The following TCERG1L variants were observed in gnomAD, a reference collection of about 807,000 sequenced individuals.
TCERG1L encodes transcription elongation regulator 1 like.
In TCERG1L, 37 loss-of-function variants were observed where a neutral mutation model predicts 56.3. That is an observed-to-expected ratio of 0.66 (90% CI 0.51 to 0.87). The LOEUF (loss-of-function observed/expected upper bound fraction) is 0.87. Ranked by LOEUF, TCERG1L falls within the 40% of genes least tolerant of loss-of-function variation. The probability of loss-of-function intolerance (pLI) is 0.00; values close to 1 mark genes in which losing one functional copy is unlikely to be tolerated. For synonymous variants in TCERG1L, 324 were observed against 326.3 expected (o/e 0.99, Z 0.08); for missense variants, 799 against 774.2 (o/e 1.03, Z -0.38).
chr10:131,295,056 A>T (rs1231313493), intron 3 of TCERG1L, among the ~76,000 whole-genome samples: 1 of 151,902 alleles, frequency 6.6e-6, no homozygotes, highest in East Asian at 1.9e-4. Flanking sequence ...CTTTGCCTAG[A>T]ATGTCACAAA....
intron 7 of TCERG1L, 95 bp downstream of exon 7, chr10:131,146,411 A>C: frequency 7.3e-7 from 1 of 1,367,172 alleles, no homozygotes; most frequent in Non-Finnish European, 9.8e-7. Context: ...AATTTTCAAC[A>C]TAACCAAGAA....
chr10:131,266,242 TCCA>T (rs1846284557), intron 3 of TCERG1L, among the ~76,000 whole-genome samples: 1 of 152,228 alleles, frequency 6.6e-6, no homozygotes, highest in Admixed American at 6.5e-5. Context: ...TCTTGCTGTT[TCCA>T]CCACATCAGC....
At chr10:131,165,491 T>C (rs2133434325) in intron 5 of TCERG1L, among the ~76,000 whole-genome samples, 1 of 152,378 alleles carries the variant, frequency 6.6e-6, no homozygotes, top group African/African-American at 2.4e-5. Flanking sequence ...AGGAAATATC[T>C]TTGTTTCTTG....
intron 7 of TCERG1L, among the ~76,000 whole-genome samples, chr10:131,138,555 G>T (rs1226501302): frequency 6.6e-6 from 1 of 152,100 alleles, no homozygotes; most frequent in Non-Finnish European, 1.5e-5. Context: ...AGGAAAGTAG[G>T]GCCAATTCAT....
chr10:131,194,252 GAACA>G (rs1188206768), intron 4 of TCERG1L, among the ~76,000 whole-genome samples: 1 of 152,234 alleles, frequency 6.6e-6, no homozygotes, highest in African/African-American at 2.4e-5. Context: ...GTGAGTGAGG[GAACA>G]AACAGATGTC....
chr10:131,207,734 G>A (rs1330798802), intron 4 of TCERG1L, among the ~76,000 whole-genome samples: 11 of 152,262 alleles, frequency 7.2e-5, no homozygotes, highest in Admixed American at 3.9e-4. Context: ...AGGTCCATGC[G>A]ACCTCAGATG....
At chr10:131,144,538 G>A (rs548319403) in intron 7 of TCERG1L, among the ~76,000 whole-genome samples, 198 of 152,102 alleles carry the variant, frequency 1.3e-3, no homozygotes, top group Admixed American at 2.2e-3. Flanking sequence ...CCTGGCAACC[G>A]GAAGTTGAGA....
At chr10:131,280,266 T>C (rs2133561799) in intron 3 of TCERG1L, among the ~76,000 whole-genome samples, 1 of 151,880 alleles carries the variant, frequency 6.6e-6, no homozygotes, top group African/African-American at 2.4e-5. Flanking sequence ...TGCACTTAAC[T>C]CAGTGAGCAC....
At chr10:131,308,701 T>A (rs1846843028) in intron 2 of TCERG1L, among the ~76,000 whole-genome samples, 1 of 152,194 alleles carries the variant, frequency 6.6e-6, no homozygotes, top group Non-Finnish European at 1.5e-5. Flanking sequence ...AAGTCAATAC[T>A]TTACTTCTTT....
At chr10:131,155,748 A>G (rs1261209546) in intron 6 of TCERG1L, among the ~76,000 whole-genome samples, 1 of 152,214 alleles carries the variant, frequency 6.6e-6, no homozygotes, top group Non-Finnish European at 1.5e-5. Context: ...CCTCAGGACC[A>G]GAGAAAATCA....
intron 3 of TCERG1L, among the ~76,000 whole-genome samples, chr10:131,302,846 C>A (rs180710265): frequency 1.3e-5 from 2 of 151,810 alleles, no homozygotes; most frequent in Non-Finnish European, 2.9e-5. Context: ...TCTCATTGTT[C>A]AATGACCACT....
chr10:131,241,004 G>A (rs948347144), intron 4 of TCERG1L, among the ~76,000 whole-genome samples: 1 of 152,224 alleles, frequency 6.6e-6, no homozygotes, highest in South Asian at 2.1e-4. Context: ...GGGAAAGCAC[G>A]GCCAAGGTCT....
At chr10:131,256,992 G>GGAAGGAAAGGAAGAAAGAAA (rs1846173015) in intron 4 of TCERG1L, among the ~76,000 whole-genome samples, 14 of 59,170 alleles carry the variant, frequency 2.4e-4, no homozygotes, top group African/African-American at 7.7e-4. Context: ...AAGGAAGGAA[G>GGAAGGAAAGGAAGAAAGAAA]GAAAGAAAGA....
intron 8 of TCERG1L, among the ~76,000 whole-genome samples, chr10:131,126,167 A>G (rs1220699098): frequency 1.3e-5 from 2 of 152,184 alleles, no homozygotes; most frequent in African/African-American, 4.8e-5. Context: ...GGCTCTGCCT[A>G]AGGCCAGACA....
At chr10:131,295,300 T>C (rs1846677922) in intron 3 of TCERG1L, among the ~76,000 whole-genome samples, 1 of 152,190 alleles carries the variant, frequency 6.6e-6, no homozygotes, top group African/African-American at 2.4e-5. Context: ...TTTATGTTTC[T>C]AGGAAAAATA....
intron 9 of TCERG1L, among the ~76,000 whole-genome samples, chr10:131,109,882 G>A (rs1845393222): frequency 6.6e-6 from 1 of 152,252 alleles, no homozygotes; most frequent in South Asian, 2.1e-4. Context: ...GCCAGAAGGA[G>A]CTGCAGAGGA....
At chr10:131,211,143 G>GT (rs1367601368) in intron 4 of TCERG1L, among the ~76,000 whole-genome samples, 4 of 152,254 alleles carry the variant, frequency 2.6e-5, no homozygotes, top group Admixed American at 2.6e-4. Context: ...TGGTATCTGG[G>GT]TGGTGGGGCA....
intron 4 of TCERG1L, among the ~76,000 whole-genome samples, chr10:131,255,975 C>T (rs1390705733): frequency 1.3e-5 from 2 of 152,202 alleles, no homozygotes; most frequent in East Asian, 3.8e-4. Context: ...GGTTTAAATC[C>T]AGTAAGTGTT....
At chr10:131,246,986 C>A (rs1204473659) in intron 4 of TCERG1L, among the ~76,000 whole-genome samples, 1 of 151,004 alleles carries the variant, frequency 6.6e-6, no homozygotes, top group African/African-American at 2.4e-5. Context: ...GGGAGTATGC[C>A]CAGGCGCCCT....
Sources: allele counts gnomAD v4.1 joint callset (sites outside exome capture counted in the v4.1 genomes callset), GRCh38; gene constraint gnomAD v4.1.1; transcripts MANE v1.5; gene names NCBI Gene and HGNC (gene_info 2026-07-23, HGNC 2026-07-21).